The following OTOG variants were observed in gnomAD, a reference collection of about 807,000 sequenced individuals.
OTOG encodes otogelin.
A neutral mutation model predicts 313.8 loss-of-function variants in OTOG; 296 were observed. That is an observed-to-expected ratio of 0.94 (90% CI 0.86 to 1.04). The LOEUF (loss-of-function observed/expected upper bound fraction) is 1.04. Among genes scored for constraint, OTOG ranks in the 50% least tolerant of loss-of-function variants. The probability of loss-of-function intolerance (pLI) is 0.00; values close to 1 mark genes in which losing one functional copy is unlikely to be tolerated. For synonymous variants in OTOG, 1,533 were observed against 1,554.9 expected (o/e 0.99, Z 0.33); for missense variants, 3,948 against 3,840.1 (o/e 1.03, Z -0.74).
intron 44 of OTOG, 102 bp from the exon 45 acceptor site, chr11:17,634,742 G>A: frequency 1.0e-6 from 1 of 958,936 alleles, no homozygotes; most frequent in Non-Finnish European, 1.6e-6. Context: ...GGAGGAGTGG[G>A]GCCAGGCGTC....
chr11:17,553,883 C>T (rs1851999320), intron 6 of OTOG, among the ~76,000 whole-genome samples: 1 of 152,224 alleles, frequency 6.6e-6, no homozygotes, highest in South Asian at 2.1e-4. Context: ...TCAGAGGACT[C>T]ATTTCAGGTG....
Position 17,639,896 on chromosome 11 carries a change from A to ATGGTGGTGGTGATGGTGAGGATGG in OTOG, c.7935+452_7935+475dup, listed in dbSNP as rs1565130541. 1.7e-4 allele frequency among the ~76,000 whole-genome samples: 22 copies of ATGGTGGTGGTGATGGTGAGGATGG among 128,388 alleles called. 1 individual carries two copies. The highest frequency in any genetic ancestry group is 6.6e-4 in the African/African-American group (19 of 28,918). 84.2% of individuals were successfully genotyped at this position (128,388 alleles called of 152,430 possible). ...GATGGTGGTGGTGATGGTGAGGATG[A>ATGGTGGTGGTGATGGTGAGGATGG]TGGTGGTGGTGATGGTGAGGATGGT... On this transcript the variant is annotated intron_variant, in intron 49 of 55. Coordinates refer to ENST00000399397, the MANE Select transcript of OTOG (RefSeq NM_001292063.2).
In OTOG at chr11:17,629,038, G is replaced by A; in HGVS notation, c.6529-95G>A. ...AATGTTTGTCAGATGATGGGTGGAT[G>A]GATGGATGGATGAATGGATGGACGG... On this transcript the variant is annotated intron_variant, in intron 39 of 55. Coordinates refer to ENST00000399397, the MANE Select transcript of OTOG (RefSeq NM_001292063.2). The A allele has an allele frequency of 1.4e-5, 17 of 1,231,982 alleles. No individual in the cohort carries two copies. In the South Asian group the frequency reaches 2.4e-4, roughly 17 times the overall value. The allele number at this position is 1,231,982 out of a possible 1,614,324, so 76.3% of individuals were successfully genotyped here. A position where few individuals can be genotyped will look rare whatever the true frequency, so the allele number is the denominator to read the frequency against.
intron 39 of OTOG, among the ~76,000 whole-genome samples, chr11:17,616,587 A>G (rs1455856099): frequency 6.6e-6 from 1 of 152,036 alleles, no homozygotes; most frequent in Non-Finnish European, 1.5e-5. Context: ...TAAGGATCCT[A>G]TACATATTTG....
Position 17,632,161 on chromosome 11 carries a change from C to T in OTOG, c.7007C>T (p.Thr2336Ile). The T allele has an allele frequency of 6.4e-7, 1 of 1,551,118 alleles. No individual in the cohort carries two copies. The highest frequency in any genetic ancestry group is 8.7e-7 in the Non-Finnish European group (1 of 1,146,996). The change falls in exon 42 of 56, where the codon ACT (threonine) becomes ATT (isoleucine). Residue 2336 changes from threonine to isoleucine, a missense_variant. By Grantham distance (89) the Thr-to-Ile change is moderately conservative. Transcript: ENST00000399397. Reference sequence around the variant, plus strand: ...GTGCAGCAGCCCTGCGTGGCCCTGACTGTGTACGTGGCCATGTGCCACAAA... The same window carrying T: ...GTGCAGCAGCCCTGCGTGGCCCTGATTGTGTACGTGGCCATGTGCCACAAA... The part of the protein sequence containing the change: ...KYVQQPCVAL[T>I]VYVAMCHKFH...
chr11:17,569,316 A>T (rs754617918), intron 16 of OTOG, 28 bp downstream of exon 16: 1 of 1,549,832 alleles, frequency 6.5e-7, no homozygotes, highest in Admixed American at 2.0e-5. Flanking sequence ...CAACAGACCT[A>T]GTTGGGAACT....
Position 17,609,759 on chromosome 11 carries a change from C to T in OTOG, c.4459C>T (p.Gln1487Ter), listed in dbSNP as rs944419733. ...TPSDEEPQLS[Q>*]ESPRTPTHRP... The stretch of plus-strand genomic sequence containing the variant: ...CAGTGATGAGGAGCCACAGCTGTCA[C>T]AGGAAAGCCCCAGGACCCCCACCCA... Residue 1487 changes from glutamine to a stop codon, truncating the protein, a stop_gained, in exon 36 of 56, where the codon CAG becomes TAG. Coordinates refer to ENST00000399397, the MANE Select transcript of OTOG (RefSeq NM_001292063.2). LOFTEE classifies it high-confidence loss of function. 6.5e-7 allele frequency: 1 copy of T among 1,549,092 alleles called. No individual in the cohort carries two copies. The highest frequency in any genetic ancestry group is 1.2e-5 in the South Asian group (1 of 83,706).
At chr11:17,553,700 C>T (rs1209789701) in intron 6 of OTOG, among the ~76,000 whole-genome samples, 181 bp downstream of exon 6, 2 of 152,242 alleles carry the variant, frequency 1.3e-5, no homozygotes, top group Non-Finnish European at 2.9e-5. Flanking sequence ...CTCTCGCTCA[C>T]CCACTCACCC....
In OTOG at chr11:17,578,480, G is replaced by A. The variant is rs767006121; in HGVS notation, c.2713G>A (p.Val905Met). ...TCEQQLLNLS[V>M]SARGPCLSGC... is the part of the protein sequence containing the mutation. Reference sequence around the variant, plus strand: ...TGAGCAGCAACTGCTGAACCTGAGCGTGTCAGCCCGTGGCCCCTGCCTCTC... The same window carrying A: ...TGAGCAGCAACTGCTGAACCTGAGCATGTCAGCCCGTGGCCCCTGCCTCTC... Residue 905 changes from valine (V) to methionine (M), a missense_variant, in exon 23 of 56, where the codon GTG becomes ATG. Val to Met is a conservative substitution (Grantham distance 21, BLOSUM62 1). Transcript: ENST00000399397. The A allele has an allele frequency of 1.8e-5, 28 of 1,540,670 alleles. No individual in the cohort carries two copies. The Admixed American group carries it at 2.0e-4, about 11-fold the overall frequency.
intron 54 of OTOG, 94 bp from the exon 55 acceptor site, chr11:17,645,470 C>G (rs1275204874): frequency 2.1e-5 from 25 of 1,182,964 alleles, no homozygotes; most frequent in Non-Finnish European, 2.9e-5. Flanking sequence ...GAGAGACCCT[C>G]CAGCATGACA....
chr11:17,564,781 C>G (rs1852264022), intron 15 of OTOG, among the ~76,000 whole-genome samples: 1 of 152,178 alleles, frequency 6.6e-6, no homozygotes, highest in African/African-American at 2.4e-5. Flanking sequence ...ATCATTCTCC[C>G]CATTTTAAAT....
chr11:17,551,628 G>A (rs1851934138), intron 3 of OTOG, among the ~76,000 whole-genome samples: 1 of 152,096 alleles, frequency 6.6e-6, no homozygotes, highest in East Asian at 1.9e-4. Context: ...TCGTAATCCA[G>A]ACAAGGGATT....
intron 22 of OTOG, 91 bp downstream of exon 22, chr11:17,577,002 C>T (rs1852545091): frequency 7.5e-7 from 1 of 1,339,098 alleles, no homozygotes; most frequent in Admixed American, 2.5e-5. Context: ...TGTGGCAAGC[C>T]CACTCCAGGT....
rs765369680 is a variant in OTOG at position 17,611,229 on chromosome 11, G to A, written c.5929G>A (p.Asp1977Asn). ...SRVSARTAPQ[D>N]SMLVLLPQLA... ...TGTCTCAGCCAGGACGGCCCCCCAA[G>A]ACAGCATGCTGGTTCTGTTGCCTCA... Residue 1977 changes from aspartate (D) to asparagine (N), a missense_variant, in exon 36 of 56, where the codon GAC becomes AAC. Transcript: ENST00000399397. The A allele has an allele frequency of 1.3e-6, 2 of 1,550,540 alleles. No individual in the cohort carries two copies. Among genetic ancestry groups the A allele is most frequent in the Admixed American group, 2.0e-5 (1 of 51,012 alleles).
chr11:17,612,684 C>T lies in OTOG; in HGVS notation c.6357C>T (p.Phe2119=). ...TCGATGGGAGCCACGTAGCTCTGTT[C>T]AAGGAGGCCATCTACATCCTCAGCC... is the stretch of plus-strand genomic sequence containing the variant. The part of the protein sequence containing the change: ...VTFDGSHVAL[F]KEAIYILSQS... The change falls in exon 38 of 56, where the codon TTC becomes TTT. Residue 2119 remains phenylalanine, a synonymous_variant. Transcript: ENST00000399397. 14 of 1,550,632 alleles carry T rather than the reference C, an allele frequency of 9.0e-6. No homozygotes were observed. Among genetic ancestry groups the T allele is most frequent in the Non-Finnish European group, 1.2e-5 (14 of 1,146,992 alleles).
chr11:17,555,237 C>T lies in OTOG; in HGVS notation c.541-542C>T, dbSNP rs556168417. On this transcript the variant is annotated intron_variant, in intron 6 of 55. Coordinates refer to ENST00000399397, the MANE Select transcript of OTOG (RefSeq NM_001292063.2). ...TGTGTGTGTGTGTGTGTGTGTGTGA[C>T]AGCAGCACAGGAGTGAGATGTGTGC... is the stretch of plus-strand genomic sequence containing the variant. Among the ~76,000 whole-genome samples the T allele has an allele frequency of 2.1e-3, 303 of 142,230 alleles. 1 individual carries two copies. The highest frequency in any genetic ancestry group is 3.3e-3 in the Non-Finnish European group (219 of 66,830). The allele number at this position is 142,230 out of a possible 152,430, so 93.3% of individuals were successfully genotyped here. A position where few individuals can be genotyped will look rare whatever the true frequency, so the allele number is the denominator to read the frequency against.
chr11:17,562,046 A>ATAT (rs1554969039), intron 15 of OTOG, among the ~76,000 whole-genome samples: 8 of 139,830 alleles, frequency 5.7e-5, no homozygotes, highest in South Asian at 4.5e-4. Context: ...CTAAAAAAAA[A>ATAT]ATATATATAT....
Position 17,634,852 on chromosome 11 carries a change from C to A in OTOG, c.7489C>A (p.Gln2497Lys). Reference protein sequence around the residue: ...CCLGTVCVCNQTLCEGLAPTC... With the variant: ...CCLGTVCVCNKTLCEGLAPTC... Reference sequence around the variant, plus strand: ...GTGGTCCCCGGGGCCAGTGTGTAACCAGACTCTGTGTGAGGGTCTCGCCCC... The same window carrying A: ...GTGGTCCCCGGGGCCAGTGTGTAACAAGACTCTGTGTGAGGGTCTCGCCCC... The change falls in exon 45 of 56, where the codon CAG becomes AAG. Residue 2497 changes from glutamine to lysine, a missense_variant. By Grantham distance (53) the Gln-to-Lys change is moderately conservative. Transcript: ENST00000399397. 6.5e-7 allele frequency: 1 copy of A among 1,549,486 alleles called. No individual in the cohort carries two copies. The highest frequency in any genetic ancestry group is 8.7e-7 in the Non-Finnish European group (1 of 1,146,728).
At chr11:17,611,630 G>A (rs1480735713) in intron 36 of OTOG, among the ~76,000 whole-genome samples, 2 of 152,234 alleles carry the variant, frequency 1.3e-5, no homozygotes, top group Non-Finnish European at 2.9e-5. Context: ...TGATTGGATG[G>A]CCTAGTGTGA....
Sources: allele counts gnomAD v4.1 joint callset (sites outside exome capture counted in the v4.1 genomes callset), GRCh38; gene constraint gnomAD v4.1.1; transcripts MANE v1.5; gene names NCBI Gene and HGNC (gene_info 2026-07-23, HGNC 2026-07-21).